Variants in NXN observed in about 807,000 individuals in gnomAD.
NXN encodes nucleoredoxin, also known as nucleoredoxin 1.
Under a neutral mutation model 48.6 loss-of-function variants are expected in NXN, and 16 were observed. The ratio of observed to expected loss-of-function variants is 0.33; its 90% CI spans 0.22 to 0.50. NXN has a LOEUF of 0.50. Ranked by LOEUF, NXN falls within the 20% of genes least tolerant of loss-of-function variation. The pLI, the probability that NXN is intolerant of heterozygous loss-of-function variation, is 0.98. For missense variants in NXN, 492 were observed against 605.5 expected, an observed-to-expected ratio of 0.81 and a Z score of 1.97; for synonymous variants, 281 against 269.6, an observed-to-expected ratio of 1.04 and a Z score of -0.41.
At chr17:843,313 G>A (rs1050810923) in intron 1 of NXN, among the ~76,000 whole-genome samples, 8 of 152,210 alleles carry the variant, frequency 5.3e-5, no homozygotes, top group Admixed American at 4.6e-4. Context: ...TGTGCCATTC[G>A]ACTTCCTGCC....
chr17:920,207 C>T lies in NXN; in HGVS notation c.360+59112G>A, dbSNP rs758624872. 4.6e-5 allele frequency among the ~76,000 whole-genome samples: 7 copies of T among 152,114 alleles called. No individual in the cohort carries two copies. Among genetic ancestry groups the T allele is most frequent in the Non-Finnish European group, 7.4e-5 (5 of 68,024 alleles). On this transcript the variant is annotated intron_variant, in intron 1 of 7. Transcript: ENST00000336868. This position sits in a 1 kb window ranked among gnomAD's most constrained non-coding sequence, Gnocchi z 4.6. ...GAGCCATCACGCCCAGTCTACACCC[C>T]GAAATCCAACATTACAAACTTATCA...
chr17:959,074 C>G, intron 1 of NXN: 1 of 291,392 alleles, frequency 3.4e-6, no homozygotes. Flanking sequence ...TTCCTCATCA[C>G]GGGCGGTGTG....
rs1913022556 is a variant in NXN at position 825,051 on chromosome 17, G to C, written c.478+910C>G. On this transcript the variant is annotated intron_variant, in intron 2 of 7. Transcript: ENST00000336868. This position sits in a 1 kb window ranked among gnomAD's most constrained non-coding sequence, Gnocchi z 4.1. ...TTTGAGACCAGCCTGGGCAAGCCTAGGGAGACCCCGTCTCTACAAATAATA... is the reference window on the plus strand; with the variant it reads ...TTTGAGACCAGCCTGGGCAAGCCTACGGAGACCCCGTCTCTACAAATAATA... 6.6e-6 allele frequency among the ~76,000 whole-genome samples: 1 copy of C among 152,060 alleles called. No individual in the cohort carries two copies. Among genetic ancestry groups the C allele is most frequent in the Non-Finnish European group, 1.5e-5 (1 of 67,996 alleles).
intron 1 of NXN, among the ~76,000 whole-genome samples, chr17:975,861 C>T (rs189291391): frequency 6.6e-6 from 1 of 152,330 alleles, no homozygotes; most frequent in East Asian, 1.9e-4. Flanking sequence ...CCCCAAAGTC[C>T]AAATTTCACC....
chr17:967,119 C>T (rs114644253), intron 1 of NXN, among the ~76,000 whole-genome samples: 5,082 of 151,794 alleles, frequency 0.033, 287 homozygotes, highest in African/African-American at 0.12. Flanking sequence ...CCACAGCCCC[C>T]AGGCCTGAGG....
intron 1 of NXN, among the ~76,000 whole-genome samples, chr17:876,673 C>T (rs1423300627): frequency 6.6e-6 from 1 of 152,206 alleles, no homozygotes; most frequent in African/African-American, 2.4e-5. Flanking sequence ...AGAATACCAT[C>T]TTCATTCCTC....
chr17:959,318 C>G (rs1567520040), intron 1 of NXN: 1 of 279,178 alleles, frequency 3.6e-6, no homozygotes, highest in African/African-American at 2.2e-5. Flanking sequence ...AGGCCCCTCC[C>G]AGGCCCGCGA....
At chr17:908,712 A>G (rs1479078970) in intron 1 of NXN, among the ~76,000 whole-genome samples, 2 of 152,186 alleles carry the variant, frequency 1.3e-5, no homozygotes, top group African/African-American at 2.4e-5. Context: ...AACTGTCTTC[A>G]GACCAAAAAT....
intron 1 of NXN, among the ~76,000 whole-genome samples, chr17:949,787 C>G (rs1193796149): frequency 6.6e-6 from 1 of 151,322 alleles, no homozygotes; most frequent in African/African-American, 2.4e-5. Flanking sequence ...AAAGGGGCAG[C>G]CACGTGAGGA....
chr17:931,165 T>C (rs1361744603), intron 1 of NXN, among the ~76,000 whole-genome samples: 1 of 151,720 alleles, frequency 6.6e-6, no homozygotes, highest in Non-Finnish European at 1.5e-5. Flanking sequence ...CGCACGCCTG[T>C]AGGCCCAACG....
chr17:924,702 C>T (rs2068781992), intron 1 of NXN, among the ~76,000 whole-genome samples: 2 of 131,334 alleles, frequency 1.5e-5, no homozygotes, highest in African/African-American at 5.8e-5. Context: ...ATTCCGTCCT[C>T]AGTAAAGACT....
chr17:803,960 C>T (rs929957031), intron 6 of NXN, 154 bp from the exon 7 acceptor site: 9 of 915,712 alleles, frequency 9.8e-6, no homozygotes, highest in Non-Finnish European at 1.5e-5. Context: ...GGTCTTGCTC[C>T]CCGCATGCAT....
At chr17:875,742 G>A (rs1426862437) in intron 1 of NXN, among the ~76,000 whole-genome samples, 1 of 150,120 alleles carries the variant, frequency 6.7e-6, no homozygotes, top group East Asian at 1.9e-4. Flanking sequence ...ACAGGCACAT[G>A]TGACCATGCC....
chr17:862,315 G>A (rs917927677), intron 1 of NXN, among the ~76,000 whole-genome samples: 2 of 152,142 alleles, frequency 1.3e-5, no homozygotes, highest in Non-Finnish European at 1.5e-5. Flanking sequence ...CAGGAATTCG[G>A]GATCAGCTTC....
chr17:810,592 G>C (rs913788220), intron 5 of NXN, among the ~76,000 whole-genome samples: 1 of 152,072 alleles, frequency 6.6e-6, no homozygotes, highest in Non-Finnish European at 1.5e-5. Context: ...CCCCTGCTTA[G>C]AGAGTTAAGG....
In NXN at chr17:854,197, C is replaced by T. The variant is rs113346979; in HGVS notation, c.361-28119G>A. 4.6e-5 allele frequency among the ~76,000 whole-genome samples: 7 copies of T among 152,244 alleles called. 1 individual carries two copies. Among genetic ancestry groups the T allele is most frequent in the African/African-American group, 1.4e-4 (6 of 41,544 alleles). Reference sequence around the variant, plus strand: ...TAAACGAATGAATCTGGAATAGCTGCTTCTAATTCCCGCTTCCCACCGTAC... The same window carrying T: ...TAAACGAATGAATCTGGAATAGCTGTTTCTAATTCCCGCTTCCCACCGTAC... On this transcript the variant is annotated intron_variant, in intron 1 of 7. Transcript: ENST00000336868.
At chr17:959,725 T>C (rs1597278367) in intron 1 of NXN, among the ~76,000 whole-genome samples, 1 of 147,688 alleles carries the variant, frequency 6.8e-6, no homozygotes, top group Non-Finnish European at 1.5e-5. Flanking sequence ...ACCCGGGAGG[T>C]GAAGGTTGCA....
Position 959,181 on chromosome 17 carries a change from G to A in NXN, c.360+20138C>T, listed in dbSNP as rs543605152. ...CGGAAGGCTGGAGAGGTGGTTCCCC[G>A]CCACGTACCAGTTCAGCCAGTACGT... is the stretch of plus-strand genomic sequence containing the variant. On this transcript the variant is annotated intron_variant, in intron 1 of 7. Transcript: ENST00000336868. 96 of 965,708 alleles carry A rather than the reference G, an allele frequency of 9.9e-5. 2 individuals carry two copies. The highest frequency in any genetic ancestry group is 4.6e-4 in the South Asian group (18 of 39,348). 59.8% of individuals were successfully genotyped at this position (965,708 alleles called of 1,614,324 possible). A position where few individuals can be genotyped will look rare whatever the true frequency, so the allele number is the denominator to read the frequency against.
In NXN at chr17:921,099, A is replaced by G. The variant is rs1393667778; in HGVS notation, c.360+58220T>C. On this transcript the variant is annotated intron_variant, in intron 1 of 7. Transcript: ENST00000336868. ...TTGTAAAATAAAGAGAAGAGCATCT[A>G]TATCACAGCTTTGTAGTGAGAGTTA... 6.6e-5 allele frequency among the ~76,000 whole-genome samples: 10 copies of G among 152,248 alleles called. No homozygotes were observed. The East Asian group carries it at 1.7e-3, about 26-fold the overall frequency.
Sources: allele counts gnomAD v4.1 joint callset (sites outside exome capture counted in the v4.1 genomes callset), GRCh38; gene constraint gnomAD v4.1.1; non-coding constraint Gnocchi (gnomAD v3.1); transcripts MANE v1.5; gene names NCBI Gene and HGNC (gene_info 2026-07-23, HGNC 2026-07-21).